MAP3K1: variants seen among roughly 807,000 people sequenced by gnomAD.
MAP3K1 encodes MAP/ERK kinase kinase 1.
A neutral mutation model predicts 144.2 loss-of-function variants in MAP3K1; 36 were observed. The observed-to-expected ratio is 0.25, with a 90% CI of 0.19 to 0.33. The LOEUF is 0.33. Among genes scored for constraint, MAP3K1 ranks in the 10% least tolerant of loss-of-function variants. The pLI is 1.00. For synonymous variants in MAP3K1, 718 were observed against 688.7 expected (o/e 1.04, Z -0.67); for missense variants, 1,650 against 1,881.9 (o/e 0.88, Z 2.28).
intron 1 of MAP3K1, among the ~76,000 whole-genome samples, chr5:56,828,929 C>G (rs889949065): frequency 7.2e-5 from 11 of 151,902 alleles, no homozygotes; most frequent in African/African-American, 2.7e-4. Flanking sequence ...AATCATATTG[C>G]TTCCTAATTG....
Position 56,893,423 on chromosome 5 carries a change from C to T in MAP3K1, c.4390-108C>T, listed in dbSNP as rs79797611. 7.2e-3 allele frequency: 8,442 copies of T among 1,179,382 alleles called. 446 individuals are homozygous for T. In the African/African-American group the frequency reaches 0.11, roughly 16 times the overall value. The allele number at this position is 1,179,382 out of a possible 1,614,324, so 73.1% of individuals were successfully genotyped here. A position where few individuals can be genotyped will look rare whatever the true frequency, so the allele number is the denominator to read the frequency against. ...AAATCCTCCCACTTCTGCTTCAGTTCCTCTCTGTTCAGGATGTAAATGTAA... is the reference window on the plus strand; with the variant it reads ...AAATCCTCCCACTTCTGCTTCAGTTTCTCTCTGTTCAGGATGTAAATGTAA... On this transcript the variant is annotated intron_variant, in intron 19 of 19. Transcript: ENST00000399503.
In MAP3K1 at chr5:56,868,251, G is replaced by C. The variant is rs372571662; in HGVS notation, c.1301+2274G>C. 1.1e-3 allele frequency among the ~76,000 whole-genome samples: 174 copies of C among 152,102 alleles called. 3 individuals are homozygous for C. The South Asian group carries it at 0.036, about 31-fold the overall frequency. On this transcript the variant is annotated intron_variant, in intron 6 of 19. Coordinates refer to ENST00000399503, the MANE Select transcript of MAP3K1 (RefSeq NM_005921.2). ...ACTGTATTTACACAAGTAGTCCACA[G>C]GCTGATTTGTTTTCCTTATAAGTTC... is the stretch of plus-strand genomic sequence containing the variant.
rs550235570 is a variant in MAP3K1, at chr5:56,821,490, G to A, written c.482+5435G>A. Reference sequence around the variant, plus strand: ...TGTAAGCATAATGATGGATAGACATGGAGTGAGAACAGGGTCAGTACTGGG... The same window carrying A: ...TGTAAGCATAATGATGGATAGACATAGAGTGAGAACAGGGTCAGTACTGGG... On this transcript the variant is annotated intron_variant, in intron 1 of 19. Transcript: ENST00000399503. Among the ~76,000 whole-genome samples, 27 of 152,318 alleles carry A rather than the reference G, an allele frequency of 1.8e-4. No individual in the cohort carries two copies. The South Asian group carries it at 4.6e-3, about 26-fold the overall frequency.
At chr5:56,842,900 A>G (rs1746856755) in intron 1 of MAP3K1, among the ~76,000 whole-genome samples, 2 of 152,146 alleles carry the variant, frequency 1.3e-5, no homozygotes, top group Admixed American at 1.3e-4. Context: ...CAGAGCTTAT[A>G]TCTTAACCCA....
intron 7 of MAP3K1, 106 bp from the exon 8 acceptor site, chr5:56,872,535 T>G: frequency 2.8e-6 from 2 of 719,950 alleles, no homozygotes; most frequent in Non-Finnish European, 4.8e-6. Context: ...ATTAGATTAT[T>G]TTTGAGGTTC....
intron 1 of MAP3K1, among the ~76,000 whole-genome samples, chr5:56,817,344 G>A (rs1309787649): frequency 6.6e-6 from 1 of 152,208 alleles, no homozygotes; most frequent in African/African-American, 2.4e-5. Context: ...TTTATTATGA[G>A]AAGAAAGCGT....
At chr5:56,825,555 C>G (rs1164710315) in intron 1 of MAP3K1, among the ~76,000 whole-genome samples, 1 of 152,196 alleles carries the variant, frequency 6.6e-6, no homozygotes, top group East Asian at 1.9e-4. Flanking sequence ...CATGTCCAGG[C>G]TGCATCTCTG....
Position 56,875,519 on chromosome 5 carries a change from AACTGTTTT to A in MAP3K1, c.1965+213_1965+220del, listed in dbSNP as rs542544816. 1.5e-4 allele frequency among the ~76,000 whole-genome samples: 23 copies of A among 152,262 alleles called. No individual in the cohort carries two copies. The South Asian group carries it at 4.8e-3, about 32-fold the overall frequency. On this transcript the variant is annotated intron_variant, in intron 10 of 19. Transcript: ENST00000399503. Reference sequence around the variant, plus strand: ...TTATGATGTCCAAGGTTTCTTATATAACTGTTTTACTTTTTAGTTTCATTGTTTTAAAG... The same window carrying A: ...TTATGATGTCCAAGGTTTCTTATATAACTTTTTAGTTTCATTGTTTTAAAG...
intron 9 of MAP3K1, among the ~76,000 whole-genome samples, chr5:56,873,897 G>A (rs1747937051): frequency 6.6e-6 from 1 of 152,074 alleles, no homozygotes. Flanking sequence ...GTTCATTAAT[G>A]AAATTTAATG....
chr5:56,867,825 A>G (rs1020717269), intron 6 of MAP3K1, among the ~76,000 whole-genome samples: 7 of 152,228 alleles, frequency 4.6e-5, no homozygotes, highest in African/African-American at 1.4e-4. Flanking sequence ...TCATAGTATT[A>G]TGGTGAAAAA....
At chr5:56,852,930 A>G (rs1302922800) in intron 1 of MAP3K1, among the ~76,000 whole-genome samples, 1 of 152,208 alleles carries the variant, frequency 6.6e-6, no homozygotes, top group Non-Finnish European at 1.5e-5. Context: ...CATCTAGTAA[A>G]AATGAAAACC....
At chr5:56,816,140 C>T (rs1745958111) in intron 1 of MAP3K1, 85 bp downstream of exon 1, 4 of 1,146,090 alleles carry the variant, frequency 3.5e-6, no homozygotes, top group Non-Finnish European at 4.3e-6. Flanking sequence ...TGCACGGCGT[C>T]CCGGGGTTCA....
At chr5:56,885,085 T>C (rs905721955) in intron 16 of MAP3K1, among the ~76,000 whole-genome samples, 7 of 152,204 alleles carry the variant, frequency 4.6e-5, no homozygotes, top group Non-Finnish European at 1.0e-4. Context: ...TTTTTAATAC[T>C]TGATATGTAT....
rs547417555 is a variant in MAP3K1, at chr5:56,887,708, C to A, written c.4257+188C>A. The A allele has an allele frequency of 4.7e-6, 3 of 643,976 alleles. No homozygotes were observed. In the South Asian group the frequency reaches 5.5e-5, roughly 12 times the overall value. The allele number at this position is 643,976 out of a possible 1,614,324, so 39.9% of individuals were successfully genotyped here. A position where few individuals can be genotyped will look rare whatever the true frequency, so the allele number is the denominator to read the frequency against. On this transcript the variant is annotated intron_variant, in intron 18 of 19. Coordinates refer to ENST00000399503, the MANE Select transcript of MAP3K1 (RefSeq NM_005921.2). ...GACCTTTCTTTGCCTTGGCAATATT[C>A]AAAAAACAGGTTTTAATAGATTTAC... is the stretch of plus-strand genomic sequence containing the variant.
At chr5:56,884,216 G>GT (rs1202379887) in intron 15 of MAP3K1, among the ~76,000 whole-genome samples, 1 of 152,082 alleles carries the variant, frequency 6.6e-6, no homozygotes, top group East Asian at 1.9e-4. Context: ...CCTTACAAAG[G>GT]TTTTTTTGGT....
intron 1 of MAP3K1, among the ~76,000 whole-genome samples, chr5:56,831,458 C>G (rs971342506): frequency 6.6e-6 from 1 of 152,076 alleles, no homozygotes; most frequent in African/African-American, 2.4e-5. Context: ...AAACCTAGCC[C>G]TAATTTTTTT....
At chr5:56,859,299 A>G (rs950970454) in intron 2 of MAP3K1, among the ~76,000 whole-genome samples, 5 of 152,186 alleles carry the variant, frequency 3.3e-5, no homozygotes, top group African/African-American at 1.2e-4. Flanking sequence ...AAAACAAATA[A>G]AAACGTACCT....
chr5:56,822,127 TCTC>T (rs1746173998), intron 1 of MAP3K1, among the ~76,000 whole-genome samples: 1 of 152,156 alleles, frequency 6.6e-6, no homozygotes, highest in Non-Finnish European at 1.5e-5. Context: ...TTCAAGCAAT[TCTC>T]CTGCCTAGCC....
intron 7 of MAP3K1, among the ~76,000 whole-genome samples, chr5:56,872,302 G>C (rs1747879884): frequency 6.6e-6 from 1 of 152,144 alleles, no homozygotes; most frequent in South Asian, 2.1e-4. Flanking sequence ...TTTCAATCTG[G>C]AAGGTATACA....
Sources: gnomAD v4.1 joint callset for allele counts (sites outside exome capture counted in the v4.1 genomes callset) on GRCh38, gnomAD v4.1.1 for gene constraint, MANE v1.5 for transcripts, NCBI Gene and HGNC (gene_info 2026-07-23, HGNC 2026-07-21) for gene names.